Variants in CCDC85C observed in about 807,000 individuals in gnomAD.
The protein encoded by CCDC85C is coiled-coil domain containing 85C.
In CCDC85C, 18 loss-of-function variants were observed where a neutral mutation model predicts 38.3. The observed-to-expected ratio is 0.47, with a 90% CI of 0.33 to 0.70. CCDC85C has a LOEUF of 0.70. CCDC85C is among the 30% of genes least tolerant of loss of function. The pLI is 0.03. For synonymous variants in CCDC85C, 264 were observed against 293.8 expected, an observed-to-expected ratio of 0.90 and a Z score of 1.04; for missense variants, 566 against 621.2, an observed-to-expected ratio of 0.91 and a Z score of 0.94.
intron 1 of CCDC85C, among the ~76,000 whole-genome samples, chr14:99,553,764 C>T (rs1016147581): frequency 1.3e-5 from 2 of 152,346 alleles, no homozygotes; most frequent in East Asian, 1.9e-4. Flanking sequence ...AGATGCAAAG[C>T]CCTGCACAGA....
chr14:99,531,621 G>A lies in CCDC85C; in HGVS notation c.867+4394C>T, dbSNP rs183709677. On this transcript the variant is annotated intron_variant, in intron 2 of 5. Transcript: ENST00000380243. ...GGGACCGCGGGGAGTAGGAATCCAG[G>A]GAGGCTCCCTACCCTCCCACCCAAA... 2.1e-3 allele frequency among the ~76,000 whole-genome samples: 317 copies of A among 151,732 alleles called. 3 individuals are homozygous for A. The highest frequency in any genetic ancestry group is 7.4e-3 in the African/African-American group (304 of 41,284).
intron 1 of CCDC85C, among the ~76,000 whole-genome samples, chr14:99,575,074 G>C (rs1022791662): frequency 1.1e-4 from 17 of 152,218 alleles, no homozygotes; most frequent in Admixed American, 1.1e-3. Context: ...CATCTGGAAC[G>C]GGGCTTGGTC....
At chr14:99,593,887 A>C (rs938405826) in intron 1 of CCDC85C, among the ~76,000 whole-genome samples, 11 of 152,204 alleles carry the variant, frequency 7.2e-5, no homozygotes, top group African/African-American at 2.4e-4. Context: ...TTTCTAAGTG[A>C]TAGCTAATAT....
chr14:99,561,175 C>T (rs1566774300), intron 1 of CCDC85C, among the ~76,000 whole-genome samples: 4 of 152,322 alleles, frequency 2.6e-5, no homozygotes, highest in South Asian at 2.1e-4. Flanking sequence ...GCCACATGGC[C>T]GTAGCGGCCC....
chr14:99,603,129 C>T lies in CCDC85C; in HGVS notation c.793+38G>A, dbSNP rs893877663. 3.1e-5 allele frequency: 40 copies of T among 1,294,552 alleles called. No individual in the cohort carries two copies. In the Middle Eastern group the frequency reaches 1.0e-3, roughly 33 times the overall value. 80.2% of individuals were successfully genotyped at this position (1,294,552 alleles called of 1,614,324 possible). Reference sequence around the variant, plus strand: ...CGCAGCCTGGGAAAAGGGCTGCAGCCAGGGAGACCCGCGCTGCCCGGCCCG... The same window carrying T: ...CGCAGCCTGGGAAAAGGGCTGCAGCTAGGGAGACCCGCGCTGCCCGGCCCG... On this transcript the variant is annotated intron_variant, in intron 1 of 5. Coordinates refer to ENST00000380243, the MANE Select transcript of CCDC85C (RefSeq NM_001144995.2). The surrounding 1 kb of genome is among the most constrained non-coding windows in gnomAD (Gnocchi z 7.5).
chr14:99,560,570 G>T (rs528798849), intron 1 of CCDC85C, among the ~76,000 whole-genome samples: 1 of 152,174 alleles, frequency 6.6e-6, no homozygotes, highest in East Asian at 1.9e-4. Flanking sequence ...CCAGCATCAC[G>T]CCCGCCTCAC....
At position 99,517,187 on chromosome 14, in the gene CCDC85C, G is replaced by C. The variant is rs950215832; in HGVS notation, c.976-4C>G. 3 of 1,538,290 alleles carry C rather than the reference G, an allele frequency of 2.0e-6. No homozygotes were observed. The highest frequency in any genetic ancestry group is 2.5e-5 in the East Asian group (1 of 40,810). ...CAGGTGCGGGGCAGGCCGGGCCCTG[G>C]GGAAGGCAATCACACATCTCAGCTC... is the stretch of plus-strand genomic sequence containing the variant. On this transcript the variant is annotated splice_polypyrimidine_tract_variant and splice_region_variant and intron_variant, in intron 3 of 5. Coordinates refer to ENST00000380243, the MANE Select transcript of CCDC85C (RefSeq NM_001144995.2).
rs1042880865 is a variant in CCDC85C at position 99,572,270 on chromosome 14, C to T, written c.793+30897G>A. Among the ~76,000 whole-genome samples, 21 of 152,322 alleles carry T rather than the reference C, an allele frequency of 1.4e-4. No homozygotes were observed. Among genetic ancestry groups the T allele is most frequent in the African/African-American group, 4.8e-4 (20 of 41,582 alleles). On this transcript the variant is annotated intron_variant, in intron 1 of 5. Transcript: ENST00000380243. This position sits in a 1 kb window ranked among gnomAD's most constrained non-coding sequence, Gnocchi z 4.4. ...CCCTCCCCGAGAGTCCCTCCCTCCC[C>T]AGGGATGGGTCTTTTCATGCCATCA...
At position 99,572,877 on chromosome 14, in the gene CCDC85C, C is replaced by A. The variant is rs1173747617; in HGVS notation, c.793+30290G>T. On this transcript the variant is annotated intron_variant, in intron 1 of 5. Transcript: ENST00000380243. This position sits in a 1 kb window ranked among gnomAD's most constrained non-coding sequence, Gnocchi z 4.4. ...CAGTAAACGGCTAAGGAAGGAATGTCTGCCCAAGTCCCAGGCAGGGTGGGA... is the reference window on the plus strand; with the variant it reads ...CAGTAAACGGCTAAGGAAGGAATGTATGCCCAAGTCCCAGGCAGGGTGGGA... The A allele has an allele frequency of 2.2e-6, 1 of 453,786 alleles. No individual in the cohort carries two copies. Among genetic ancestry groups the A allele is most frequent in the Non-Finnish European group, 4.4e-6 (1 of 225,110 alleles). 28.1% of individuals were successfully genotyped at this position (453,786 alleles called of 1,614,324 possible). A position where few individuals can be genotyped will look rare whatever the true frequency, so the allele number is the denominator to read the frequency against.
intron 1 of CCDC85C, among the ~76,000 whole-genome samples, chr14:99,601,813 C>T (rs2055201756): frequency 6.6e-6 from 1 of 152,092 alleles, no homozygotes; most frequent in Non-Finnish European, 1.5e-5. Flanking sequence ...ACAAAATATC[C>T]CTCTAAACCC....
Position 99,502,570 on chromosome 14 carries a change from C to A in CCDC85C, c.*12676G>T. On this transcript the variant is annotated 3_prime_UTR_variant, in exon 6 of 6. Transcript: ENST00000380243. The stretch of plus-strand genomic sequence containing the variant: ...ACTTTTGGTAAACTAAAAATACACA[C>A]CAGTGTTGCACACAACGAAGATGGG... The A allele has an allele frequency of 1.7e-6, 2 of 1,199,862 alleles. No homozygotes were observed. The highest frequency in any genetic ancestry group is 2.3e-6 in the Non-Finnish European group (2 of 862,472). The allele number at this position is 1,199,862 out of a possible 1,614,324, so 74.3% of individuals were successfully genotyped here.
intron 1 of CCDC85C, among the ~76,000 whole-genome samples, chr14:99,587,987 C>T (rs913553321): frequency 1.3e-5 from 2 of 152,172 alleles, no homozygotes; most frequent in Admixed American, 6.5e-5. Flanking sequence ...CAGTCCAGTG[C>T]CCTCTGGTCT....
chr14:99,559,214 G>A (rs11847109), intron 1 of CCDC85C, among the ~76,000 whole-genome samples: 1 of 151,172 alleles, frequency 6.6e-6, no homozygotes, highest in East Asian at 2.0e-4. Flanking sequence ...GAATACAGGA[G>A]TCCCCCCGAG....
intron 2 of CCDC85C, among the ~76,000 whole-genome samples, chr14:99,524,934 G>C (rs1029480987): frequency 6.6e-6 from 1 of 152,206 alleles, no homozygotes; most frequent in African/African-American, 2.4e-5. Context: ...AGAGCTGCCA[G>C]CTCAGAGCTC....
At position 99,510,168 on chromosome 14, in the gene CCDC85C, C is replaced by T; in HGVS notation, c.*5078G>A. 6.3e-7 allele frequency: 1 copy of T among 1,597,064 alleles called. No homozygotes were observed. The highest frequency in any genetic ancestry group is 8.5e-7 in the Non-Finnish European group (1 of 1,175,194). On this transcript the variant is annotated 3_prime_UTR_variant, in exon 6 of 6. Coordinates refer to ENST00000380243, the MANE Select transcript of CCDC85C (RefSeq NM_001144995.2). ...TCTCTCTCCTGCAGACCGGAAGCCT[C>T]CCCTCGCTGCTGCCTTAGGTGAGGC...
At chr14:99,575,354 G>A (rs1457767857) in intron 1 of CCDC85C, among the ~76,000 whole-genome samples, 1 of 152,110 alleles carries the variant, frequency 6.6e-6, no homozygotes, top group South Asian at 2.1e-4. Flanking sequence ...GGCCTCAGCC[G>A]CCTACTGTCT....
At chr14:99,517,614 G>A (rs1028003352) in intron 3 of CCDC85C, among the ~76,000 whole-genome samples, 18 of 152,194 alleles carry the variant, frequency 1.2e-4, no homozygotes, top group Admixed American at 6.5e-5. Context: ...TGCCCACCCT[G>A]GAGCCACCGG....
At position 99,512,327 on chromosome 14, in the gene CCDC85C, CA is replaced by C. The variant is rs1389005608; in HGVS notation, c.*2918del. The C allele has an allele frequency of 1.3e-5, 2 of 151,882 alleles. No homozygotes were observed. Among genetic ancestry groups the C allele is most frequent in the African/African-American group, 4.8e-5 (2 of 41,314 alleles). The allele number at this position is 151,882 out of a possible 1,614,324, so 9.4% of individuals were successfully genotyped here. A position where few individuals can be genotyped will look rare whatever the true frequency, so the allele number is the denominator to read the frequency against. ...AGCTGCCGGGCCCGGGGACAGAAAC[CA>C]GACGTTCCAGTCCATCTCCAAAAAG... On this transcript the variant is annotated 3_prime_UTR_variant, in exon 6 of 6. Transcript: ENST00000380243.
At position 99,536,068 on chromosome 14, in the gene CCDC85C, T is replaced by C; in HGVS notation, c.814A>G (p.Arg272Gly). The change falls in exon 2 of 6, where the codon AGG becomes GGG. Residue 272 changes from arginine (R) to glycine (G), a missense_variant. Physicochemically the swap from Arg to Gly is moderately radical, Grantham distance 125 (BLOSUM62 -2). Around this residue, in one of 3 missense-constraint regions of CCDC85C, gnomAD observed 286 missense variants for 276.4 expected, o/e 1.03. Coordinates refer to ENST00000380243, the MANE Select transcript of CCDC85C (RefSeq NM_001144995.2). ...GLHDPSSTYI[R>G]QLESKVRLLE... is the part of the protein sequence containing the mutation. ...AGCCTCACTTTGCTCTCCAGTTGCC[T>C]GATGTAGGTGGATGAGGGATCTGGA... is the stretch of plus-strand genomic sequence containing the variant. 6.4e-7 allele frequency: 1 copy of C among 1,551,236 alleles called. No individual in the cohort carries two copies.
Sources: gnomAD v4.1 joint callset for allele counts (sites outside exome capture counted in the v4.1 genomes callset) on GRCh38, gnomAD v4.1.1 for gene constraint, gnomAD v4.1.1 regional missense constraint, Gnocchi (gnomAD v3.1) non-coding constraint, MANE v1.5 for transcripts, NCBI Gene and HGNC (gene_info 2026-07-23, HGNC 2026-07-21) for gene names.